The following CFAP45 variants were observed in gnomAD, a reference collection of about 807,000 sequenced individuals.
The protein encoded by CFAP45 is cilia- and flagella-associated protein 45.
CFAP45 carries 43 observed loss-of-function variants against 75.6 expected under a neutral mutation model. That is an observed-to-expected ratio of 0.57 (90% CI 0.45 to 0.73). The LOEUF (loss-of-function observed/expected upper bound fraction) is 0.73. CFAP45 is among the 30% of genes least tolerant of loss of function. The pLI, the probability that CFAP45 is intolerant of heterozygous loss-of-function variation, is 0.00. For synonymous variants in CFAP45, 223 were observed against 244.6 expected (o/e 0.91, Z 0.82); for missense variants, 689 against 701.5 (o/e 0.98, Z 0.20).
intron 6 of CFAP45, 86 bp downstream of exon 6, chr1:159,886,425 C>A: frequency 1.8e-6 from 2 of 1,133,662 alleles, no homozygotes; most frequent in South Asian, 2.6e-5. Flanking sequence ...GACCATTTCT[C>A]ATCTCTTCCC....
rs1450150150 is a variant in CFAP45, at chr1:159,884,442, A to G, written c.891T>C (p.Asp297=). ...LEYMEQLQEE[D]LKDMERRQQQ... ...TGTCTGTCTGGCCTGTTACCTTTAG[A>G]TCTTCCTCTTGGAGCTGTTCCATAT... Residue 297 remains aspartate, a synonymous_variant, in exon 7 of 12, where the codon GAT becomes GAC. Transcript: ENST00000368099. 5 of 1,611,456 alleles carry G rather than the reference A, an allele frequency of 3.1e-6. No homozygotes were observed. The highest frequency in any genetic ancestry group is 4.2e-6 in the Non-Finnish European group (5 of 1,178,744).
intron 2 of CFAP45, among the ~76,000 whole-genome samples, chr1:159,891,424 C>G (rs1049134528): frequency 6.6e-6 from 1 of 152,094 alleles, no homozygotes; most frequent in Non-Finnish European, 1.5e-5. Context: ...AGAGGCCTAC[C>G]CTTAAGATCT....
Position 159,877,482 on chromosome 1 carries a change from T to G in CFAP45, c.1045-20A>C, listed in dbSNP as rs781369352. 3.2e-5 allele frequency: 49 copies of G among 1,554,680 alleles called. No homozygotes were observed. Among genetic ancestry groups the G allele is most frequent in the Admixed American group, 2.0e-4 (12 of 59,936 alleles). The stretch of plus-strand genomic sequence containing the variant: ...TCGAGCCTGCCGGAAGGAAAGGCCT[T>G]GTAGAATAGTTGCCATTGCCCCAGC... On this transcript the variant is annotated intron_variant, in intron 8 of 11. Transcript: ENST00000368099.
chr1:159,898,705 G>A (rs200231917), intron 1 of CFAP45, among the ~76,000 whole-genome samples: 1 of 152,110 alleles, frequency 6.6e-6, no homozygotes, highest in East Asian at 1.9e-4. Flanking sequence ...AGGACAAAAG[G>A]GGAACTAACA....
Position 159,876,596 on chromosome 1 carries a change from G to C in CFAP45, c.1312C>G (p.Gln438Glu). ...AACTCATCCCGGTCCCGTTGCACCTGAACAGCCAGAGCGTGCTCCTTGAAA... is the reference window on the plus strand; with the variant it reads ...AACTCATCCCGGTCCCGTTGCACCTCAACAGCCAGAGCGTGCTCCTTGAAA... ...VAFKEHALAV[Q>E]VQRDRDEFER... The change falls in exon 10 of 12, where the codon CAG becomes GAG. Residue 438 changes from glutamine to glutamate, a missense_variant. Coordinates refer to ENST00000368099, the MANE Select transcript of CFAP45 (RefSeq NM_012337.3). The C allele has an allele frequency of 6.2e-7, 1 of 1,614,140 alleles. No individual in the cohort carries two copies. The highest frequency in any genetic ancestry group is 1.1e-5 in the South Asian group (1 of 91,076).
At chr1:159,893,755 A>C (rs1369592489) in intron 1 of CFAP45, among the ~76,000 whole-genome samples, 3 of 152,168 alleles carry the variant, frequency 2.0e-5, no homozygotes, top group Non-Finnish European at 4.4e-5. Context: ...CACAATATCT[A>C]GGAGAGGATT....
intron 2 of CFAP45, among the ~76,000 whole-genome samples, chr1:159,891,861 C>G (rs1649837546): frequency 6.6e-6 from 1 of 152,338 alleles, no homozygotes; most frequent in South Asian, 2.1e-4. Context: ...AAGCATTTTT[C>G]TGATAGCCCC....
intron 2 of CFAP45, 66 bp from the exon 3 acceptor site, chr1:159,890,688 T>A: frequency 6.7e-7 from 1 of 1,494,312 alleles, no homozygotes; most frequent in Non-Finnish European, 9.3e-7. Flanking sequence ...AGTCCTAACT[T>A]CAAGGATAGA....
chr1:159,899,536 C>T (rs1320872736), intron 1 of CFAP45, among the ~76,000 whole-genome samples: 3 of 145,046 alleles, frequency 2.1e-5, no homozygotes, highest in Admixed American at 1.4e-4. Context: ...GGCGCGATCT[C>T]GGCTCACTGC....
At chr1:159,878,744 G>A in intron 8 of CFAP45, among the ~76,000 whole-genome samples, 1 of 26,942 alleles carries the variant, frequency 3.7e-5, no homozygotes, top group Non-Finnish European at 7.5e-5. Flanking sequence ...GACAGAGCAA[G>A]ACTACATCTA....
At chr1:159,885,415 G>T (rs1428602637) in intron 6 of CFAP45, among the ~76,000 whole-genome samples, 1 of 152,186 alleles carries the variant, frequency 6.6e-6, no homozygotes, top group Non-Finnish European at 1.5e-5. Context: ...AAGACACAGA[G>T]ATGAATGGTT....
At chr1:159,888,804 G>GACCCCTCC (rs1649756660) in intron 3 of CFAP45, among the ~76,000 whole-genome samples, 1 of 144,914 alleles carries the variant, frequency 6.9e-6, no homozygotes, top group Non-Finnish European at 1.5e-5. Context: ...CCCCACCAAG[G>GACCCCTCC]ACCAATAGAT....
intron 2 of CFAP45, 97 bp downstream of exon 2, chr1:159,893,083 G>C: frequency 7.2e-7 from 1 of 1,388,272 alleles, no homozygotes; most frequent in Admixed American, 1.8e-5. Flanking sequence ...AGTTACCTAC[G>C]AGAGCAAGGT....
chr1:159,884,801 T>G (rs928362233), intron 6 of CFAP45, among the ~76,000 whole-genome samples: 4 of 152,312 alleles, frequency 2.6e-5, no homozygotes, highest in Admixed American at 2.6e-4. Context: ...CTTCCTGAGA[T>G]TCTCCTTCTT....
intron 7 of CFAP45, 91 bp from the exon 8 acceptor site, chr1:159,880,791 G>T (rs1649531621): frequency 8.0e-7 from 1 of 1,250,120 alleles, no homozygotes; most frequent in South Asian, 1.4e-5. Flanking sequence ...GACAGAGGAG[G>T]GGGCAAATGC....
In CFAP45 at chr1:159,893,051, T is replaced by C. The variant is rs954797224; in HGVS notation, c.129+129A>G. 25 of 1,019,584 alleles carry C rather than the reference T, an allele frequency of 2.5e-5. No homozygotes were observed. In the African/African-American group the frequency reaches 3.4e-4, roughly 14 times the overall value. 63.2% of individuals were successfully genotyped at this position (1,019,584 alleles called of 1,614,324 possible). On this transcript the variant is annotated intron_variant, in intron 2 of 11. Transcript: ENST00000368099. ...AGCTCTGCAGCTCAGGTCTCAGAAT[T>C]CCCCTTTGTCTTCAGTCTGAGAGTT...
At chr1:159,898,056 G>C (rs1305406984) in intron 1 of CFAP45, 7 of 960,262 alleles carry the variant, frequency 7.3e-6, no homozygotes, top group Non-Finnish European at 7.4e-6. Flanking sequence ...TCTTTTCCTA[G>C]ATGTCTTACC....
chr1:159,888,797 C>T (rs970861892), intron 3 of CFAP45, among the ~76,000 whole-genome samples: 2 of 148,090 alleles, frequency 1.4e-5, no homozygotes, highest in Admixed American at 6.7e-5. Context: ...TCTGCCCCCC[C>T]ACCAAGGACC....
chr1:159,875,560 C>A (rs1649380884), intron 10 of CFAP45, among the ~76,000 whole-genome samples: 1 of 152,226 alleles, frequency 6.6e-6, no homozygotes, highest in Non-Finnish European at 1.5e-5. Flanking sequence ...CCACTAACTA[C>A]CCATTGCCAA....
Sources: allele counts gnomAD v4.1 joint callset (sites outside exome capture counted in the v4.1 genomes callset), GRCh38; gene constraint gnomAD v4.1.1; transcripts MANE v1.5; gene names NCBI Gene and HGNC (gene_info 2026-07-23, HGNC 2026-07-21).